NRG3: variants seen among roughly 807,000 people sequenced by gnomAD.
NRG3 encodes the protein pro-neuregulin-3, membrane-bound isoform.
In NRG3, 31 loss-of-function variants were observed where a neutral mutation model predicts 66.9. The observed-to-expected ratio is 0.46, with a 90% CI of 0.35 to 0.63. The LOEUF is 0.63. Among genes scored for constraint, NRG3 ranks in the 20% least tolerant of loss-of-function variants. The pLI is 0.00. For missense variants in NRG3, 910 were observed against 878.9 expected (o/e 1.04, Z -0.45); for synonymous variants, 393 against 359.4 (o/e 1.09, Z -1.06).
At chr10:82,162,020 C>A (rs761027129) in intron 1 of NRG3, among the ~76,000 whole-genome samples, 2 of 152,016 alleles carry the variant, frequency 1.3e-5, no homozygotes, top group Admixed American at 6.6e-5. Context: ...AATGACTTGC[C>A]GGAAGCTTAT....
rs1591537187 is a variant in NRG3 at position 82,791,549 on chromosome 10, T to G, written c.1027+52899T>G. Among the ~76,000 whole-genome samples the G allele has an allele frequency of 2.6e-5, 4 of 152,220 alleles. No individual in the cohort carries two copies. In the East Asian group the frequency reaches 7.8e-4, roughly 30 times the overall value. On this transcript the variant is annotated intron_variant, in intron 3 of 8. Transcript: ENST00000372141. ...CAACTCTGTAATTACCTTCACTTCT[T>G]GGTTTTTCAGGATTCAAGATCAGAC...
At chr10:82,818,495 C>T (rs1049140018) in intron 3 of NRG3, among the ~76,000 whole-genome samples, 2 of 152,124 alleles carry the variant, frequency 1.3e-5, no homozygotes, top group Non-Finnish European at 2.9e-5. Context: ...CTTTTAGACA[C>T]CTGGGCCATG....
At chr10:82,354,494 G>A (rs2135546118) in intron 1 of NRG3, among the ~76,000 whole-genome samples, 1 of 151,742 alleles carries the variant, frequency 6.6e-6, no homozygotes, top group Non-Finnish European at 1.5e-5. Flanking sequence ...GGGTTCAAGT[G>A]ATTCTCCTGC....
intron 1 of NRG3, among the ~76,000 whole-genome samples, chr10:82,094,560 G>GA (rs767271990): frequency 1.1e-4 from 17 of 152,112 alleles, no homozygotes; most frequent in Non-Finnish European, 2.1e-4. Context: ...ATCACAATAG[G>GA]AAAAGGAAAA....
intron 2 of NRG3, among the ~76,000 whole-genome samples, chr10:82,365,609 C>T (rs1463183569): frequency 6.6e-6 from 1 of 152,132 alleles, no homozygotes; most frequent in Non-Finnish European, 1.5e-5. Flanking sequence ...AATTCCATGA[C>T]ACTTAAGCAG....
chr10:82,439,004 T>G (rs2136416547), intron 2 of NRG3, among the ~76,000 whole-genome samples: 1 of 152,252 alleles, frequency 6.6e-6, no homozygotes, highest in South Asian at 2.1e-4. Flanking sequence ...CCTAAATTAT[T>G]ACTTTCTGTA....
At chr10:82,433,106 C>T (rs2089929434) in intron 2 of NRG3, among the ~76,000 whole-genome samples, 1 of 152,156 alleles carries the variant, frequency 6.6e-6, no homozygotes, top group Non-Finnish European at 1.5e-5. Context: ...CCTATTTCCT[C>T]ACAGCCTTAC....
chr10:82,137,362 C>T (rs189430840), intron 1 of NRG3, among the ~76,000 whole-genome samples: 2 of 152,256 alleles, frequency 1.3e-5, no homozygotes, highest in Admixed American at 1.3e-4. Context: ...AGAATATTAA[C>T]TAAATGCAGG....
chr10:82,006,177 A>G (rs552167053), intron 1 of NRG3, among the ~76,000 whole-genome samples: 2 of 152,178 alleles, frequency 1.3e-5, no homozygotes, highest in African/African-American at 4.8e-5. Context: ...TTATTTTCAT[A>G]ATTTGTGATT....
At chr10:82,511,401 A>G (rs538841790) in intron 2 of NRG3, among the ~76,000 whole-genome samples, 31 of 152,208 alleles carry the variant, frequency 2.0e-4, no homozygotes, top group Non-Finnish European at 3.8e-4. Flanking sequence ...TTGCCTACGT[A>G]TTCTCTGTAT....
intron 4 of NRG3, among the ~76,000 whole-genome samples, chr10:82,878,573 G>T (rs949537828): frequency 2.6e-5 from 4 of 152,186 alleles, no homozygotes; most frequent in African/African-American, 9.6e-5. Context: ...GGGAGGCAGT[G>T]AGATGAGTTG....
chr10:81,981,426 TG>T (rs1398922852), intron 1 of NRG3, among the ~76,000 whole-genome samples: 1 of 152,246 alleles, frequency 6.6e-6, no homozygotes, highest in African/African-American at 2.4e-5. Context: ...TAATCCTGTT[TG>T]GCTTAATGCC....
chr10:82,333,323 A>G (rs2082232494), intron 1 of NRG3, among the ~76,000 whole-genome samples: 1 of 152,214 alleles, frequency 6.6e-6, no homozygotes, highest in South Asian at 2.1e-4. Flanking sequence ...TAAGAATAGC[A>G]GTAAAATGCT....
intron 1 of NRG3, among the ~76,000 whole-genome samples, chr10:81,922,396 C>T (rs1329238383): frequency 1.3e-5 from 2 of 152,142 alleles, no homozygotes; most frequent in Non-Finnish European, 2.9e-5. Flanking sequence ...ATTTCTCATT[C>T]CTTACACCCT....
intron 2 of NRG3, among the ~76,000 whole-genome samples, chr10:82,566,666 C>T (rs1298848514): frequency 1.3e-5 from 2 of 151,800 alleles, no homozygotes; most frequent in African/African-American, 4.8e-5. Context: ...AAAGAAAAGA[C>T]CATGTCAGGA....
intron 1 of NRG3, among the ~76,000 whole-genome samples, chr10:82,246,673 C>A (rs753971739): frequency 2.0e-5 from 3 of 151,630 alleles, no homozygotes; most frequent in Admixed American, 2.0e-4. Flanking sequence ...AAACACAGAG[C>A]AGAAAAAAAA....
At position 82,408,085 on chromosome 10, in the gene NRG3, C is replaced by CAGAAAGAAAGAAA. The variant is rs1554911189; in HGVS notation, c.953+49218_953+49230dup. On this transcript the variant is annotated intron_variant, in intron 2 of 8. Coordinates refer to ENST00000372141, the MANE Select transcript of NRG3 (RefSeq NM_001010848.4). ...AGAGAGAGAGAGAGAGAGAGAGAGA[C>CAGAAAGAAAGAAA]AGAAAGAAAGAAAGAAAGAAAGAAA... 4.0e-3 allele frequency among the ~76,000 whole-genome samples: 300 copies of CAGAAAGAAAGAAA among 74,852 alleles called. 10 individuals carry two copies. The highest frequency in any genetic ancestry group is 0.014 in the African/African-American group (224 of 16,330). The allele number at this position is 74,852 out of a possible 152,430, so 49.1% of individuals were successfully genotyped here.
intron 2 of NRG3, among the ~76,000 whole-genome samples, chr10:82,413,342 T>A (rs1213629737): frequency 6.6e-6 from 1 of 152,160 alleles, no homozygotes; most frequent in Non-Finnish European, 1.5e-5. Context: ...TGAACAGTAA[T>A]ATTTTAAAAA....
At chr10:82,341,600 A>G (rs1564814147) in intron 1 of NRG3, among the ~76,000 whole-genome samples, 1 of 152,020 alleles carries the variant, frequency 6.6e-6, no homozygotes, top group Non-Finnish European at 1.5e-5. Context: ...ATATGTATAT[A>G]TCTGTTTTAT....
Sources: gnomAD v4.1 joint callset for allele counts (sites outside exome capture counted in the v4.1 genomes callset) on GRCh38, gnomAD v4.1.1 for gene constraint, MANE v1.5 for transcripts, NCBI Gene and HGNC (gene_info 2026-07-23, HGNC 2026-07-21) for gene names.